SGPP2: variants seen among roughly 807,000 people sequenced by gnomAD.
SGPP2 encodes sphingosine 1-phosphate phosphohydrolase 2.
A neutral mutation model predicts 33.9 loss-of-function variants in SGPP2; 30 were observed. The observed-to-expected ratio is 0.89, with a 90% CI of 0.66 to 1.20. The LOEUF is 1.20. SGPP2 is among the 50% of genes most tolerant of loss of function. The pLI, the probability that SGPP2 is intolerant of heterozygous loss-of-function variation, is 0.00. For synonymous variants in SGPP2, 233 were observed against 225.0 expected (o/e 1.04, Z -0.32); for missense variants, 458 against 532.1 (o/e 0.86, Z 1.37).
At chr2:222,529,542 C>T (rs1698809668) in intron 4 of SGPP2, among the ~76,000 whole-genome samples, 1 of 152,148 alleles carries the variant, frequency 6.6e-6, no homozygotes, top group African/African-American at 2.4e-5. Context: ...ACCATGTTGG[C>T]CAGGCTGGTC....
chr2:222,478,517 C>T (rs942380618), intron 2 of SGPP2, among the ~76,000 whole-genome samples: 2 of 152,068 alleles, frequency 1.3e-5, no homozygotes, highest in African/African-American at 4.8e-5. Context: ...CTTCAGAAAA[C>T]GATATCCCTA....
intron 1 of SGPP2, among the ~76,000 whole-genome samples, chr2:222,430,617 C>G (rs1697139746): frequency 6.6e-6 from 1 of 152,112 alleles, no homozygotes; most frequent in Non-Finnish European, 1.5e-5. Context: ...CCACAGCCAG[C>G]CTCCCTATTT....
intron 1 of SGPP2, among the ~76,000 whole-genome samples, chr2:222,440,164 A>C (rs762496226): frequency 1.6e-4 from 25 of 152,304 alleles, no homozygotes; most frequent in Non-Finnish European, 3.2e-4. Context: ...GTGGCTTCTG[A>C]GCCTGCTGTG....
At chr2:222,505,827 TGGG>T (rs954535031) in intron 2 of SGPP2, among the ~76,000 whole-genome samples, 6 of 150,396 alleles carry the variant, frequency 4.0e-5, no homozygotes, top group African/African-American at 1.5e-4. Context: ...CCCAGCTACT[TGGG>T]GGGCTGAGGA....
Position 222,536,453 on chromosome 2 carries a change from G to T in SGPP2, c.648+11420G>T, listed in dbSNP as rs13399547. Among the ~76,000 whole-genome samples, 540 of 152,316 alleles carry T rather than the reference G, an allele frequency of 3.5e-3. 3 individuals are homozygous for T. Among genetic ancestry groups the T allele is most frequent in the African/African-American group, 0.013 (522 of 41,568 alleles). Reference sequence around the variant, plus strand: ...CCCAGCACTTTGGGAGGCCAAGCAGGTGGATCACCTGAGGTCAGGAGTTCG... The same window carrying T: ...CCCAGCACTTTGGGAGGCCAAGCAGTTGGATCACCTGAGGTCAGGAGTTCG... On this transcript the variant is annotated intron_variant, in intron 4 of 4. Coordinates refer to ENST00000321276, the MANE Select transcript of SGPP2 (RefSeq NM_152386.4).
At chr2:222,545,292 T>C (rs1311798074) in intron 4 of SGPP2, among the ~76,000 whole-genome samples, 3 of 151,884 alleles carry the variant, frequency 2.0e-5, no homozygotes, top group Non-Finnish European at 4.4e-5. Flanking sequence ...GCTTTTTTTT[T>C]TTTTTTTGAG....
chr2:222,546,704 G>A (rs1016101467), intron 4 of SGPP2, among the ~76,000 whole-genome samples: 2 of 151,602 alleles, frequency 1.3e-5, no homozygotes, highest in African/African-American at 4.8e-5. Context: ...AGAATTTCCA[G>A]ATTTTTCTCT....
intron 4 of SGPP2, among the ~76,000 whole-genome samples, chr2:222,543,835 A>C (rs1689131245): frequency 2.0e-5 from 3 of 152,198 alleles, no homozygotes; most frequent in Admixed American, 6.5e-5. Context: ...TTGTATTCTC[A>C]TATAAATTTT....
In SGPP2 at chr2:222,524,936, C is replaced by G. The variant is rs1311004152; in HGVS notation, c.559-8C>G. 3 of 1,611,222 alleles carry G rather than the reference C, an allele frequency of 1.9e-6. No individual in the cohort carries two copies. The highest frequency in any genetic ancestry group is 1.3e-5 in the African/African-American group (1 of 74,742). On this transcript the variant is annotated splice_region_variant and splice_polypyrimidine_tract_variant and intron_variant, in intron 3 of 4. Coordinates refer to ENST00000321276, the MANE Select transcript of SGPP2 (RefSeq NM_152386.4). Reference sequence around the variant, plus strand: ...CTAATTCCCTTGTTTTTTCTCCTTCCCCCACAGTATCCATTTGTGTTGGGA... The same window carrying G: ...CTAATTCCCTTGTTTTTTCTCCTTCGCCCACAGTATCCATTTGTGTTGGGA...
chr2:222,462,703 A>T (rs552290702), intron 1 of SGPP2, among the ~76,000 whole-genome samples: 1 of 152,158 alleles, frequency 6.6e-6, no homozygotes, highest in Non-Finnish European at 1.5e-5. Context: ...GACCACGAGG[A>T]ATGTTCCAGA....
chr2:222,561,806 T>C lies in SGPP2; in HGVS notation c.*2908T>C, dbSNP rs1328773391. Among the ~76,000 whole-genome samples, 1 of 147,768 alleles carries C rather than the reference T, an allele frequency of 6.8e-6. No individual in the cohort carries two copies. Among genetic ancestry groups the C allele is most frequent in the East Asian group, 2.0e-4 (1 of 4,922 alleles). On this transcript the variant is annotated 3_prime_UTR_variant, in exon 5 of 5. Coordinates refer to ENST00000321276, the MANE Select transcript of SGPP2 (RefSeq NM_152386.4). ...TCAGTTTCTGAGCACTCCTGCTCTGTGGTGAGAATCAGACAAAAATTCATC... is the reference window on the plus strand; with the variant it reads ...TCAGTTTCTGAGCACTCCTGCTCTGCGGTGAGAATCAGACAAAAATTCATC...
chr2:222,501,269 G>A (rs779662429), intron 2 of SGPP2, among the ~76,000 whole-genome samples: 6 of 152,126 alleles, frequency 3.9e-5, no homozygotes, highest in Non-Finnish European at 7.4e-5. Flanking sequence ...GGACAGATGA[G>A]GTTGCTGCTG....
intron 1 of SGPP2, among the ~76,000 whole-genome samples, chr2:222,473,924 C>A (rs867912037): frequency 4.9e-4 from 63 of 127,424 alleles, no homozygotes; most frequent in East Asian, 9.6e-4. Context: ...AACTCTGTCT[C>A]AAAAAAAAAA....
At chr2:222,517,728 G>A (rs576977854) in intron 2 of SGPP2, among the ~76,000 whole-genome samples, 101 of 152,302 alleles carry the variant, frequency 6.6e-4, no homozygotes, top group Non-Finnish European at 1.3e-3. Flanking sequence ...AGCCCCAAAA[G>A]CATTTGCCCA....
chr2:222,432,720 A>T (rs2093685230), intron 1 of SGPP2, among the ~76,000 whole-genome samples: 1 of 152,144 alleles, frequency 6.6e-6, no homozygotes, highest in African/African-American at 2.4e-5. Flanking sequence ...GGGGGGAATG[A>T]AAAGTCTGTA....
intron 4 of SGPP2, among the ~76,000 whole-genome samples, chr2:222,526,471 T>C (rs1398188310): frequency 6.6e-6 from 1 of 152,178 alleles, no homozygotes; most frequent in Non-Finnish European, 1.5e-5. Context: ...GAGGGCGTTC[T>C]CTATTTGCTA....
At chr2:222,474,406 A>T (rs565868255) in intron 1 of SGPP2, among the ~76,000 whole-genome samples, 162 bp from the exon 2 acceptor site, 6 of 152,342 alleles carry the variant, frequency 3.9e-5, no homozygotes, top group African/African-American at 1.4e-4. Flanking sequence ...TGTTTGAATA[A>T]ATTGAGGTTG....
chr2:222,510,133 G>T (rs2106124559), intron 2 of SGPP2, among the ~76,000 whole-genome samples: 1 of 152,274 alleles, frequency 6.6e-6, no homozygotes, highest in East Asian at 1.9e-4. Flanking sequence ...CATTTGGGTT[G>T]TTTAAACTTT....
chr2:222,479,472 G>A (rs1263784167), intron 2 of SGPP2, among the ~76,000 whole-genome samples: 2 of 141,564 alleles, frequency 1.4e-5, no homozygotes, highest in African/African-American at 2.7e-5. Context: ...GCGCGATCTC[G>A]GCTCACTGCA....
Sources: allele counts gnomAD v4.1 joint callset (sites outside exome capture counted in the v4.1 genomes callset), GRCh38; gene constraint gnomAD v4.1.1; transcripts MANE v1.5; gene names NCBI Gene and HGNC (gene_info 2026-07-23, HGNC 2026-07-21).